The following DLGAP4 variants were observed in gnomAD, a reference collection of about 807,000 sequenced individuals.
DLGAP4 encodes DLG associated protein 4, also known as disks large-associated protein 4.
A neutral mutation model predicts 86.9 loss-of-function variants in DLGAP4; 18 were observed. The ratio of observed to expected loss-of-function variants is 0.21; its 90% CI spans 0.14 to 0.31. DLGAP4 has a LOEUF of 0.31. DLGAP4 is among the 10% of genes least tolerant of loss of function. The pLI, the probability that DLGAP4 is intolerant of heterozygous loss-of-function variation, is 1.00. For missense variants in DLGAP4, 1,085 were observed against 1,362.6 expected, an observed-to-expected ratio of 0.80 and a Z score of 3.21; for synonymous variants, 548 against 574.3, an observed-to-expected ratio of 0.95 and a Z score of 0.65.
At chr20:36,485,239 G>A (rs2035358143) in intron 7 of DLGAP4, among the ~76,000 whole-genome samples, 1 of 151,954 alleles carries the variant, frequency 6.6e-6, no homozygotes, top group Admixed American at 6.6e-5. Context: ...AAATGAGCCA[G>A]GCATGATGGA....
chr20:36,418,878 T>G (rs2032742410), intron 2 of DLGAP4, among the ~76,000 whole-genome samples: 1 of 152,190 alleles, frequency 6.6e-6, no homozygotes, highest in Non-Finnish European at 1.5e-5. Context: ...GACACGGACT[T>G]AGGCTGGAAA....
intron 1 of DLGAP4, among the ~76,000 whole-genome samples, chr20:36,331,875 C>T (rs2065271737): frequency 6.6e-6 from 1 of 151,920 alleles, no homozygotes; most frequent in Non-Finnish European, 1.5e-5. Context: ...ACAAAGGAGC[C>T]AGTCTTTTGA....
At position 36,310,180 on chromosome 20, in the gene DLGAP4, AAAAGAAAGAAAGAAAG is replaced by A. The variant is rs1161085107; in HGVS notation, c.-304+3716_-304+3731del. 3.2e-5 allele frequency among the ~76,000 whole-genome samples: 4 copies of A among 124,164 alleles called. No individual in the cohort carries two copies. The East Asian group carries it at 6.7e-4, about 21-fold the overall frequency. The allele number at this position is 124,164 out of a possible 152,430, so 81.5% of individuals were successfully genotyped here. A position where few individuals can be genotyped will look rare whatever the true frequency, so the allele number is the denominator to read the frequency against. On this transcript the variant is annotated intron_variant, in intron 1 of 12. Transcript: ENST00000339266. ...GAGACCCTGTCTCTACAAAAAAAAA[AAAAGAAAGAAAGAAAG>A]AAAGAAAGAAAGAAAGAAAGAAAGA...
chr20:36,467,063 T>TC lies in DLGAP4; in HGVS notation c.1648+20135dup, dbSNP rs562510099. ...CTCTCTCTCTCTCTCTCTCTCTCTC[T>TC]CCCCCCCCCTTCTCTCGGCCCTGCC... On this transcript the variant is annotated intron_variant, in intron 7 of 12. Coordinates refer to ENST00000339266, the MANE Select transcript of DLGAP4 (RefSeq NM_001365621.2). Among the ~76,000 whole-genome samples the TC allele has an allele frequency of 9.2e-3, 362 of 39,204 alleles. 18 individuals are homozygous for TC. The highest frequency in any genetic ancestry group is 0.042 in the African/African-American group (335 of 8,048). 25.7% of individuals were successfully genotyped at this position (39,204 alleles called of 152,430 possible).
At chr20:36,364,238 C>T (rs956817076) in intron 1 of DLGAP4, among the ~76,000 whole-genome samples, 2 of 151,926 alleles carry the variant, frequency 1.3e-5, no homozygotes, top group Non-Finnish European at 2.9e-5. Context: ...TAATGAGATC[C>T]CCATCTCTAC....
chr20:36,346,919 C>G (rs1056571422), intron 1 of DLGAP4, among the ~76,000 whole-genome samples: 1 of 152,182 alleles, frequency 6.6e-6, no homozygotes, highest in African/African-American at 2.4e-5. Context: ...GCCTTCAGTA[C>G]CTCGGCCCAA....
chr20:36,446,100 C>A (rs1486296200), intron 6 of DLGAP4, among the ~76,000 whole-genome samples: 2 of 152,170 alleles, frequency 1.3e-5, no homozygotes, highest in African/African-American at 4.8e-5. Flanking sequence ...CAGTTTTTTG[C>A]TTCAGCTTCG....
chr20:36,427,169 C>T (rs983705885), intron 2 of DLGAP4, among the ~76,000 whole-genome samples: 10 of 151,780 alleles, frequency 6.6e-5, no homozygotes, highest in Admixed American at 1.3e-4. Flanking sequence ...GGCAACAGAG[C>T]GAGACCCTGT....
chr20:36,524,152 T>C (rs2037556532), intron 10 of DLGAP4, 98 bp from the exon 11 acceptor site: 1 of 902,198 alleles, frequency 1.1e-6, no homozygotes, highest in Non-Finnish European at 1.8e-6. Flanking sequence ...TAATGAGTTC[T>C]ACCCTAAGGG....
At position 36,306,999 on chromosome 20, in the gene DLGAP4, C is replaced by A. The variant is rs1198089058; in HGVS notation, c.-304+487C>A. Among the ~76,000 whole-genome samples, 1 of 152,136 alleles carries A rather than the reference C, an allele frequency of 6.6e-6. No individual in the cohort carries two copies. Among genetic ancestry groups the A allele is most frequent in the South Asian group, 2.1e-4 (1 of 4,826 alleles). ...GCAGGGCTATGCCGGCCCGGGCATT[C>A]CTCCATTCAACCCAGCTGCCTCGGA... On this transcript the variant is annotated intron_variant, in intron 1 of 12. Coordinates refer to ENST00000339266, the MANE Select transcript of DLGAP4 (RefSeq NM_001365621.2). This position sits in a 1 kb window ranked among gnomAD's most constrained non-coding sequence, Gnocchi z 4.9.
At chr20:36,487,644 CA>C (rs1291145199) in intron 7 of DLGAP4, among the ~76,000 whole-genome samples, 4 of 152,202 alleles carry the variant, frequency 2.6e-5, no homozygotes, top group Non-Finnish European at 5.9e-5. Flanking sequence ...GTCCCTTCAC[CA>C]GAAAGCTCTG....
At chr20:36,400,611 G>A (rs2032128034) in intron 2 of DLGAP4, among the ~76,000 whole-genome samples, 1 of 152,072 alleles carries the variant, frequency 6.6e-6, no homozygotes, top group African/African-American at 2.4e-5. Flanking sequence ...GGGTTGGATG[G>A]GGTTGGGAAC....
At chr20:36,425,146 G>T (rs2147526501) in intron 2 of DLGAP4, among the ~76,000 whole-genome samples, 1 of 152,282 alleles carries the variant, frequency 6.6e-6, no homozygotes. Context: ...CACAAAGACA[G>T]AATGGGAGAA....
intron 7 of DLGAP4, among the ~76,000 whole-genome samples, chr20:36,447,707 T>C (rs1018929922): frequency 3.3e-5 from 5 of 151,956 alleles, no homozygotes; most frequent in African/African-American, 9.7e-5. Flanking sequence ...AGGCGTGAGC[T>C]ACCATGCCCA....
At chr20:36,443,127 G>C (rs370797844) in intron 6 of DLGAP4, among the ~76,000 whole-genome samples, 1 of 152,162 alleles carries the variant, frequency 6.6e-6, no homozygotes, top group African/African-American at 2.4e-5. Flanking sequence ...CAGGTCAGGG[G>C]CTGGGGGCTG....
intron 7 of DLGAP4, among the ~76,000 whole-genome samples, chr20:36,486,642 C>T (rs983101701): frequency 1.3e-5 from 2 of 148,206 alleles, no homozygotes; most frequent in African/African-American, 5.0e-5. Flanking sequence ...TGAAATTTTG[C>T]TTCAGTTGCA....
intron 7 of DLGAP4, chr20:36,462,398 C>T (rs2034130318): frequency 2.9e-6 from 4 of 1,368,046 alleles, no homozygotes; most frequent in Admixed American, 7.6e-5. Flanking sequence ...CCACTCTGTG[C>T]CTCTTGCGCT....
chr20:36,317,275 C>CTTTA (rs1187191668), intron 1 of DLGAP4, among the ~76,000 whole-genome samples: 1 of 8,482 alleles, frequency 1.2e-4, no homozygotes, highest in Admixed American at 1.3e-3. Context: ...TTCTTTCTTT[C>CTTTA]TTATCTTTCT....
chr20:36,345,583 G>T (rs1181470350), intron 1 of DLGAP4, among the ~76,000 whole-genome samples: 2 of 152,152 alleles, frequency 1.3e-5, no homozygotes, highest in Non-Finnish European at 2.9e-5. Context: ...TGACTCAGAT[G>T]GTATAAGCCT....
Sources: gnomAD v4.1 joint callset for allele counts (sites outside exome capture counted in the v4.1 genomes callset) on GRCh38, gnomAD v4.1.1 for gene constraint, Gnocchi (gnomAD v3.1) non-coding constraint, MANE v1.5 for transcripts, NCBI Gene and HGNC (gene_info 2026-07-23, HGNC 2026-07-21) for gene names.